The following DAAM2 variants were observed in gnomAD, a reference collection of about 807,000 sequenced individuals.
The protein encoded by DAAM2 is disheveled-associated activator of morphogenesis 2.
A neutral mutation model predicts 120.7 loss-of-function variants in DAAM2; 39 were observed. The ratio of observed to expected loss-of-function variants is 0.32; its 90% CI spans 0.25 to 0.42. DAAM2 has a LOEUF of 0.42. Ranked by LOEUF, DAAM2 falls within the 10% of genes least tolerant of loss-of-function variation. The probability of loss-of-function intolerance (pLI) is 1.00; values close to 1 mark genes in which losing one functional copy is unlikely to be tolerated. For synonymous variants in DAAM2, 488 were observed against 524.9 expected, an observed-to-expected ratio of 0.93 and a Z score of 0.96; for missense variants, 1,283 against 1,401.7, an observed-to-expected ratio of 0.92 and a Z score of 1.35.
Position 39,867,671 on chromosome 6 carries a change from A to G in DAAM2, c.590A>G (p.Gln197Arg), listed in dbSNP as rs776541648. 6.2e-7 allele frequency: 1 copy of G among 1,613,950 alleles called. No individual in the cohort carries two copies. Among genetic ancestry groups the G allele is most frequent in the South Asian group, 1.1e-5 (1 of 91,086 alleles). ...CAGGGGCGGGCACATGTGCTGGCAC[A>G]GCCTGAGGCCATTAGTACCATAGCC... ...NSQGRAHVLA[Q>R]PEAISTIAQS... Residue 197 changes from glutamine (Q) to arginine (R), a missense_variant, in exon 6 of 25, where the codon CAG becomes CGG. By Grantham distance (43) the Gln-to-Arg change is conservative. This residue lies in a region of DAAM2 where 338 missense variants were observed against 443.9 expected (regional missense o/e 0.76). Transcript: ENST00000274867.
In DAAM2 at chr6:39,808,620, C is replaced by T. The variant is rs80308406; in HGVS notation, c.-57+16155C>T. On this transcript the variant is annotated intron_variant, in intron 1 of 24. Coordinates refer to ENST00000274867, the MANE Select transcript of DAAM2 (RefSeq NM_001201427.2). ...TCTTATTGAAGTGCAGTCGATTCAG[C>T]TCTTTCATGTCCCTTACTTTTTATG... 5.3e-3 allele frequency among the ~76,000 whole-genome samples: 807 copies of T among 152,362 alleles called. 8 individuals are homozygous for T. The highest frequency in any genetic ancestry group is 0.018 in the African/African-American group (752 of 41,594).
intron 2 of DAAM2, among the ~76,000 whole-genome samples, chr6:39,856,964 G>A (rs557550757): frequency 1.3e-5 from 2 of 152,260 alleles, no homozygotes; most frequent in African/African-American, 4.8e-5. Context: ...CCTATGTCAT[G>A]CCTGGGGTCC....
rs1762109577 is a variant in DAAM2, at chr6:39,809,758, G to A, written c.-57+17293G>A. 3.3e-5 allele frequency among the ~76,000 whole-genome samples: 5 copies of A among 152,164 alleles called. No homozygotes were observed. The South Asian group carries it at 6.2e-4, about 19-fold the overall frequency. ...TTTTCCATGGTATACCCCACAGAAC[G>A]AGTGTTTTGAGGTTTGTATCAGAAT... On this transcript the variant is annotated intron_variant, in intron 1 of 24. Transcript: ENST00000274867.
At chr6:39,803,905 A>G (rs901980143) in intron 1 of DAAM2, among the ~76,000 whole-genome samples, 4 of 152,260 alleles carry the variant, frequency 2.6e-5, no homozygotes, top group Admixed American at 2.0e-4. Context: ...CATATAATTT[A>G]CTTTCTAAAC....
At position 39,830,827 on chromosome 6, in the gene DAAM2, C is replaced by T. The variant is rs1368116369; in HGVS notation, c.-56-25420C>T. The stretch of plus-strand genomic sequence containing the variant: ...TGACATTTAGCCTCCACCTGGATAG[C>T]TGCCAGTGGCCCTGCAGTCCGGACC... On this transcript the variant is annotated intron_variant, in intron 1 of 24. Coordinates refer to ENST00000274867, the MANE Select transcript of DAAM2 (RefSeq NM_001201427.2). 2.6e-5 allele frequency among the ~76,000 whole-genome samples: 4 copies of T among 152,194 alleles called. No individual in the cohort carries two copies. The East Asian group carries it at 5.8e-4, about 22-fold the overall frequency.
chr6:39,897,313 C>T, intron 21 of DAAM2, 31 bp downstream of exon 21: 1 of 1,346,264 alleles, frequency 7.4e-7, no homozygotes, highest in Non-Finnish European at 1.1e-6. Flanking sequence ...TTCCTTCTCC[C>T]CATGATGACC....
In DAAM2 at chr6:39,815,594, A is replaced by G. The variant is rs117568213; in HGVS notation, c.-57+23129A>G. Among the ~76,000 whole-genome samples, 906 of 152,042 alleles carry G rather than the reference A, an allele frequency of 6.0e-3. 33 individuals are homozygous for G. In the East Asian group the frequency reaches 0.078, roughly 13 times the overall value. ...AACTCTTATTGGTGTCATGCAAACC[A>G]CGAACTCTTCTGCACTGTGTTGACC... is the stretch of plus-strand genomic sequence containing the variant. On this transcript the variant is annotated intron_variant, in intron 1 of 24. Transcript: ENST00000274867.
At chr6:39,815,756 C>A (rs1762291290) in intron 1 of DAAM2, among the ~76,000 whole-genome samples, 1 of 152,064 alleles carries the variant, frequency 6.6e-6, no homozygotes, top group Non-Finnish European at 1.5e-5. Context: ...ATTTGTATTA[C>A]AACAATTCAG....
intron 1 of DAAM2, chr6:39,793,137 G>C (rs553968550): frequency 6.6e-6 from 1 of 152,456 alleles, no homozygotes; most frequent in African/African-American, 2.4e-5. Flanking sequence ...ACTTGGTCTG[G>C]CGGCAGGTAA....
intron 19 of DAAM2, among the ~76,000 whole-genome samples, chr6:39,896,015 A>G (rs1161665089): frequency 1.3e-5 from 2 of 151,862 alleles, no homozygotes; most frequent in African/African-American, 4.9e-5. Context: ...GAATATTATA[A>G]TTTAGAATAT....
intron 1 of DAAM2, among the ~76,000 whole-genome samples, chr6:39,841,674 G>A (rs1040893657): frequency 7.2e-5 from 11 of 152,098 alleles, no homozygotes; most frequent in Non-Finnish European, 1.6e-4. Flanking sequence ...TGGGCACTGA[G>A]GAGGGAGATC....
At chr6:39,899,899 T>G (rs1766367028) in intron 22 of DAAM2, 178 bp from the exon 23 acceptor site, 12 of 616,368 alleles carry the variant, frequency 1.9e-5, no homozygotes, top group Non-Finnish European at 3.2e-5. Context: ...GATGGCAGGG[T>G]GGGCTGGCTG....
intron 1 of DAAM2, among the ~76,000 whole-genome samples, chr6:39,833,496 C>T (rs1562012836): frequency 6.6e-6 from 1 of 152,072 alleles, no homozygotes; most frequent in Non-Finnish European, 1.5e-5. Context: ...TTATTAGAGA[C>T]AGAGTTTCAC....
At chr6:39,807,587 T>C (rs937128101) in intron 1 of DAAM2, among the ~76,000 whole-genome samples, 1 of 152,106 alleles carries the variant, frequency 6.6e-6, no homozygotes, top group Non-Finnish European at 1.5e-5. Flanking sequence ...CGTGACCTCT[T>C]TTCACTGCAA....
At chr6:39,867,303 A>T (rs1194110852) in intron 5 of DAAM2, 1 of 585,994 alleles carries the variant, frequency 1.7e-6, no homozygotes, top group East Asian at 2.9e-5. Context: ...ATGATATGCA[A>T]ATACAGAGTA....
Position 39,896,915 on chromosome 6 carries a change from G to A in DAAM2, c.2445G>A (p.Gly815=). The change falls in exon 20 of 25, where the codon GGG becomes GGA. Residue 815 remains glycine (G), a synonymous_variant. Transcript: ENST00000274867. ...IGNFMNKGQR[G]GAYGFRVASL... ...ACTTCATGAACAAAGGGCAGCGTGG[G>A]GGCGCCTACGGGTTCCGGGTGGCCA... The A allele has an allele frequency of 3.7e-6, 6 of 1,613,690 alleles. No individual in the cohort carries two copies. The highest frequency in any genetic ancestry group is 5.1e-6 in the Non-Finnish European group (6 of 1,179,782).
intron 4 of DAAM2, 138 bp from the exon 5 acceptor site, chr6:39,864,842 G>A: frequency 9.5e-7 from 1 of 1,053,240 alleles, no homozygotes; most frequent in South Asian, 1.6e-5. Context: ...GGTCTTCCCA[G>A]GGGCCGACAC....
At chr6:39,886,593 C>T (rs542167119) in intron 15 of DAAM2, 2 of 397,146 alleles carry the variant, frequency 5.0e-6, no homozygotes, top group East Asian at 7.1e-5. Context: ...GAGAGGGCCC[C>T]CAAAGAGAAA....
chr6:39,843,183 G>A (rs1374814931), intron 1 of DAAM2, among the ~76,000 whole-genome samples: 1 of 152,180 alleles, frequency 6.6e-6, no homozygotes, highest in Non-Finnish European at 1.5e-5. Context: ...TATGGAAAGA[G>A]CACTGCGGGG....
Sources: allele counts gnomAD v4.1 joint callset (sites outside exome capture counted in the v4.1 genomes callset), GRCh38; gene constraint gnomAD v4.1.1; regional missense constraint gnomAD v4.1.1; transcripts MANE v1.5; gene names NCBI Gene and HGNC (gene_info 2026-07-23, HGNC 2026-07-21).